DCTN2: variants seen among roughly 807,000 people sequenced by gnomAD.
DCTN2 encodes the protein 50 kDa dynein-associated polypeptide.
In DCTN2, 18 loss-of-function variants were observed where a neutral mutation model predicts 55.4. That is an observed-to-expected ratio of 0.32 (90% CI 0.22 to 0.48). DCTN2 has a LOEUF of 0.48. DCTN2 is among the 20% of genes least tolerant of loss of function. The pLI is 0.99. For missense variants in DCTN2, 390 were observed against 491.0 expected (o/e 0.79, Z 1.94); for synonymous variants, 168 against 185.2 (o/e 0.91, Z 0.76).
At chr12:57,535,176 T>C (rs1880126943) in intron 4 of DCTN2, 22 bp from the exon 5 acceptor site, 1 of 1,579,742 alleles carries the variant, frequency 6.3e-7, no homozygotes, top group Middle Eastern at 1.7e-4. Context: ...GCACAGAGGG[T>C]AATGTTATAT....
At chr12:57,545,855 C>T (rs181789367) in intron 2 of DCTN2, among the ~76,000 whole-genome samples, 173 bp downstream of exon 2, 18 of 152,230 alleles carry the variant, frequency 1.2e-4, no homozygotes, top group African/African-American at 3.4e-4. Context: ...CCTGCCATTG[C>T]TCATTGGTGG....
Position 57,533,227 on chromosome 12 carries a change from G to A in DCTN2, c.735+11C>T, listed in dbSNP as rs768553333. On this transcript the variant is annotated intron_variant, in intron 8 of 13. Transcript: ENST00000548249. ...TCTAAGGCTCAGATTATGTACAGGAGAACACCTGACCTGAGCATCCTGATC... is the reference window on the plus strand; with the variant it reads ...TCTAAGGCTCAGATTATGTACAGGAAAACACCTGACCTGAGCATCCTGATC... The A allele has an allele frequency of 6.8e-6, 11 of 1,613,438 alleles. No homozygotes were observed. The South Asian group carries it at 9.9e-5, about 14-fold the overall frequency.
In DCTN2 at chr12:57,545,924, T is replaced by A. The variant is rs979459110; in HGVS notation, c.105+104A>T. 5.9e-6 allele frequency: 7 copies of A among 1,192,024 alleles called. No individual in the cohort carries two copies. In the Admixed American group the frequency reaches 9.8e-5, roughly 17 times the overall value. The allele number at this position is 1,192,024 out of a possible 1,614,324, so 73.8% of individuals were successfully genotyped here. A position where few individuals can be genotyped will look rare whatever the true frequency, so the allele number is the denominator to read the frequency against. On this transcript the variant is annotated intron_variant, in intron 2 of 13. Transcript: ENST00000548249. Reference sequence around the variant, plus strand: ...AACCTATATACCACCCAGGCTGGGGTTGGCATACCCGCTTATTGCTGTAGC... The same window carrying A: ...AACCTATATACCACCCAGGCTGGGGATGGCATACCCGCTTATTGCTGTAGC...
intron 13 of DCTN2, 70 bp downstream of exon 13, chr12:57,531,945 C>T (rs1879757469): frequency 3.2e-6 from 5 of 1,549,692 alleles, no homozygotes; most frequent in Non-Finnish European, 4.4e-6. Flanking sequence ...AAGGCAGAAC[C>T]CTATAACACT....
In DCTN2 at chr12:57,533,040, G is replaced by C. The variant is rs1879885605; in HGVS notation, c.736-18C>G. 1.3e-6 allele frequency: 2 copies of C among 1,591,904 alleles called. No individual in the cohort carries two copies. Among genetic ancestry groups the C allele is most frequent in the African/African-American group, 2.7e-5 (2 of 73,716 alleles). ...AGGGGATTCTGGTGGGAAAGGAAGG[G>C]AAGAAGTGAGTGGTCCTTATATCTC... On this transcript the variant is annotated intron_variant, in intron 8 of 13. Coordinates refer to ENST00000548249, the MANE Select transcript of DCTN2 (RefSeq NM_001261413.2).
intron 1 of DCTN2, 100 bp from the exon 2 acceptor site, chr12:57,546,196 T>TG: frequency 8.6e-7 from 1 of 1,156,992 alleles, no homozygotes. Flanking sequence ...AGGCGGGGTG[T>TG]GATGTCAGGG....
chr12:57,536,213 A>C (rs1265478001), intron 2 of DCTN2: 1 of 222,278 alleles, frequency 4.5e-6, no homozygotes, highest in Non-Finnish European at 9.0e-6. Context: ...CCCCTCCCAA[A>C]AGTAAATCTT....
intron 9 of DCTN2, 84 bp from the exon 10 acceptor site, chr12:57,532,894 T>C (rs1879871136): frequency 6.3e-7 from 1 of 1,594,870 alleles, no homozygotes. Flanking sequence ...AATTAATATA[T>C]AGCTACAAAC....
At chr12:57,533,374 C>A in intron 7 of DCTN2, 71 bp from the exon 8 acceptor site, 1 of 1,389,538 alleles carries the variant, frequency 7.2e-7, no homozygotes. Flanking sequence ...TACGATCCTG[C>A]TCTACTCTGC....
intron 2 of DCTN2, among the ~76,000 whole-genome samples, chr12:57,545,801 A>C (rs1805515587): frequency 6.6e-6 from 1 of 152,116 alleles, no homozygotes; most frequent in Admixed American, 6.5e-5. Context: ...AGGGCTTTGC[A>C]AACAGATGTT....
intron 2 of DCTN2, among the ~76,000 whole-genome samples, chr12:57,545,261 CAG>C (rs1881049710): frequency 6.6e-6 from 1 of 152,214 alleles, no homozygotes; most frequent in African/African-American, 2.4e-5. Flanking sequence ...GGCACTTAAA[CAG>C]AGTTTTTACT....
rs1461845518 is a variant in DCTN2, at chr12:57,534,010, A to G, written c.612T>C (p.Leu204=). The G allele has an allele frequency of 6.2e-7, 1 of 1,613,536 alleles. No homozygotes were observed. The highest frequency in any genetic ancestry group is 2.2e-5 in the East Asian group (1 of 44,876). The change falls in exon 7 of 14, where the codon CTT becomes CTC. Residue 204 remains leucine (L), a synonymous_variant. Transcript: ENST00000548249. ...GCCGAGAATGTAGTTCATAAGTGAC[A>G]AGGCTGCTATCTGGGGGGGTCCCAG... ...KTTGTPPDSS[L]VTYELHSRPE... is the part of the protein sequence containing the mutation.
intron 2 of DCTN2, among the ~76,000 whole-genome samples, chr12:57,544,995 A>G (rs1881028112): frequency 6.6e-6 from 1 of 152,212 alleles, no homozygotes; most frequent in Non-Finnish European, 1.5e-5. Flanking sequence ...TGTAAGAACC[A>G]CTTCCACATG....
chr12:57,536,086 T>G, intron 2 of DCTN2: 1 of 544,150 alleles, frequency 1.8e-6, no homozygotes, highest in Non-Finnish European at 3.3e-6. Flanking sequence ...AGAGGGAGCA[T>G]AACCTCCCCA....
chr12:57,535,421 T>TA, intron 4 of DCTN2, 63 bp downstream of exon 4: 1 of 1,583,980 alleles, frequency 6.3e-7, no homozygotes, highest in Non-Finnish European at 8.7e-7. Flanking sequence ...ATCTCCCTAC[T>TA]ACATGTCTGC....
In DCTN2 at chr12:57,534,411, A is replaced by G. The variant is rs1594883494; in HGVS notation, c.405T>C (p.Pro135=). ...KESATEEKLT[P]VLLAKQLAAL... ...CTGCCAGCTGTTTAGCCAGCAACAC[A>G]GGGGTCAGCTTCTCCTCTGTGGCTG... Residue 135 remains proline, a synonymous_variant, in exon 6 of 14, where the codon CCT becomes CCC. Transcript: ENST00000548249. 2 of 1,611,952 alleles carry G rather than the reference A, an allele frequency of 1.2e-6. No individual in the cohort carries two copies. Among genetic ancestry groups the G allele is most frequent in the East Asian group, 4.5e-5 (2 of 44,766 alleles).
chr12:57,537,473 C>T (rs1454692786), intron 2 of DCTN2, among the ~76,000 whole-genome samples: 1 of 150,910 alleles, frequency 6.6e-6, no homozygotes, highest in Non-Finnish European at 1.5e-5. Flanking sequence ...GACTGAGAAT[C>T]TCTGCCTGTG....
chr12:57,533,403 A>T, intron 7 of DCTN2, 100 bp from the exon 8 acceptor site: 1 of 1,059,974 alleles, frequency 9.4e-7, no homozygotes, highest in African/African-American at 1.6e-5. Context: ...CACCACCCCA[A>T]GGGATTCCTT....
chr12:57,534,157 C>A, intron 6 of DCTN2, 60 bp from the exon 7 acceptor site: 1 of 1,533,258 alleles, frequency 6.5e-7, no homozygotes, highest in Non-Finnish European at 8.8e-7. Flanking sequence ...GTCACTCTCC[C>A]TCACTTTTGC....
Sources: allele counts gnomAD v4.1 joint callset (sites outside exome capture counted in the v4.1 genomes callset), GRCh38; gene constraint gnomAD v4.1.1; transcripts MANE v1.5; gene names NCBI Gene and HGNC (gene_info 2026-07-23, HGNC 2026-07-21).